The following TRIM71 variants were observed in gnomAD, a reference collection of about 807,000 sequenced individuals.
TRIM71 encodes the protein E3 ubiquitin-protein ligase TRIM71.
In TRIM71, 9 loss-of-function variants were observed where a neutral mutation model predicts 61.2. That is an observed-to-expected ratio of 0.15 (90% CI 0.09 to 0.26). TRIM71 has a LOEUF of 0.26. Ranked by LOEUF, TRIM71 falls within the 10% of genes least tolerant of loss-of-function variation. The pLI is 1.00. For missense variants in TRIM71, 998 were observed against 1,238.7 expected (o/e 0.81, Z 2.92); for synonymous variants, 645 against 553.2 (o/e 1.17, Z -2.33).
In TRIM71 at chr3:32,818,714, T is replaced by A; in HGVS notation, c.634T>A (p.Cys212Ser). The A allele has an allele frequency of 3.8e-6, 6 of 1,591,390 alleles. No homozygotes were observed. The highest frequency in any genetic ancestry group is 3.4e-6 in the Non-Finnish European group (4 of 1,174,868). ...TGAGGGCAACGCAGCTTCTTCGCGC[T>A]GCCTCGACTGCCAGGAGCACCTGTG... ...CDEGNAASSR[C>S]LDCQEHLCDN... is the part of the protein sequence containing the mutation. Residue 212 changes from cysteine (C) to serine (S), a missense_variant, in exon 1 of 4, where the codon TGC (cysteine) becomes AGC (serine). Transcript: ENST00000383763.
chr3:32,871,691 TTAGA>T (rs1357412750), intron 1 of TRIM71, among the ~76,000 whole-genome samples: 1 of 152,208 alleles, frequency 6.6e-6, no homozygotes, highest in Non-Finnish European at 1.5e-5. Flanking sequence ...ATTATTAGGA[TTAGA>T]TAATCTCTGA....
At chr3:32,856,106 C>T (rs1696600512) in intron 1 of TRIM71, among the ~76,000 whole-genome samples, 1 of 152,214 alleles carries the variant, frequency 6.6e-6, no homozygotes, top group African/African-American at 2.4e-5. Flanking sequence ...CAAGCTCCGC[C>T]TCCTGGGTTC....
intron 1 of TRIM71, among the ~76,000 whole-genome samples, chr3:32,845,465 C>G (rs933400211): frequency 6.6e-6 from 1 of 152,236 alleles, no homozygotes; most frequent in African/African-American, 2.4e-5. Context: ...TTGCTGCCAC[C>G]TGGCTTGGCA....
At chr3:32,819,605 C>T (rs1401734785) in intron 1 of TRIM71, among the ~76,000 whole-genome samples, 1 of 152,162 alleles carries the variant, frequency 6.6e-6, no homozygotes, top group Non-Finnish European at 1.5e-5. Flanking sequence ...GCGGCTGCTT[C>T]CTATATTGTT....
chr3:32,820,101 G>T (rs977674315), intron 1 of TRIM71, among the ~76,000 whole-genome samples: 5 of 152,236 alleles, frequency 3.3e-5, no homozygotes, highest in African/African-American at 1.2e-4. Flanking sequence ...CCTGTAGACC[G>T]GTAAGAGAGG....
At chr3:32,844,451 C>T (rs762574806) in intron 1 of TRIM71, among the ~76,000 whole-genome samples, 5 of 152,146 alleles carry the variant, frequency 3.3e-5, no homozygotes, top group Non-Finnish European at 7.3e-5. Context: ...GGCTAGAGTG[C>T]AGTGGCGTGA....
At chr3:32,867,469 G>T (rs1488523093) in intron 1 of TRIM71, among the ~76,000 whole-genome samples, 1 of 151,826 alleles carries the variant, frequency 6.6e-6, no homozygotes, top group Non-Finnish European at 1.5e-5. Context: ...ACATATTTTT[G>T]AGACAGGGTC....
chr3:32,822,083 G>A (rs867630639), intron 1 of TRIM71, among the ~76,000 whole-genome samples: 1 of 152,236 alleles, frequency 6.6e-6, no homozygotes, highest in South Asian at 2.1e-4. Flanking sequence ...AGGCGACACC[G>A]GCAGCAGAAA....
At chr3:32,820,742 T>C (rs373247049) in intron 1 of TRIM71, among the ~76,000 whole-genome samples, 16 of 152,342 alleles carry the variant, frequency 1.1e-4, no homozygotes, top group African/African-American at 3.6e-4. Context: ...CTTTTAAAAT[T>C]AGAAAACCCT....
intron 2 of TRIM71, among the ~76,000 whole-genome samples, chr3:32,875,141 C>A (rs891032920): frequency 6.6e-6 from 1 of 152,134 alleles, no homozygotes; most frequent in African/African-American, 2.4e-5. Flanking sequence ...TAGACAGAGA[C>A]CTTTGTGATA....
chr3:32,822,677 C>A (rs1268935918), intron 1 of TRIM71, among the ~76,000 whole-genome samples: 1 of 152,086 alleles, frequency 6.6e-6, no homozygotes, highest in African/African-American at 2.4e-5. Flanking sequence ...CATGTTCTTG[C>A]ATAAATTATA....
intron 1 of TRIM71, among the ~76,000 whole-genome samples, chr3:32,843,119 T>C (rs1696430839): frequency 6.6e-6 from 1 of 152,144 alleles, no homozygotes; most frequent in African/African-American, 2.4e-5. Context: ...TCCAGGGTGC[T>C]GGGACTAGGT....
Position 32,894,618 on chromosome 3 carries a change from T to C in TRIM71, c.*2807T>C, listed in dbSNP as rs1232466018. The C allele has an allele frequency of 2.0e-5, 3 of 152,356 alleles. No homozygotes were observed. In the East Asian group the frequency reaches 5.8e-4, roughly 29 times the overall value. The allele number at this position is 152,356 out of a possible 1,614,324, so 9.4% of individuals were successfully genotyped here. On this transcript the variant is annotated 3_prime_UTR_variant, in exon 4 of 4. Transcript: ENST00000383763. The stretch of plus-strand genomic sequence containing the variant: ...AGAAACATGGTCACATTTGGAAAGC[T>C]TTTGTTTTTAAAACATTGGCGGTTT...
At chr3:32,827,482 G>A (rs1400870172) in intron 1 of TRIM71, among the ~76,000 whole-genome samples, 2 of 151,740 alleles carry the variant, frequency 1.3e-5, no homozygotes, top group African/African-American at 2.4e-5. Flanking sequence ...GGCTGGTCTC[G>A]AACTCCTGAC....
intron 1 of TRIM71, among the ~76,000 whole-genome samples, chr3:32,839,239 T>G (rs1203963370): frequency 6.6e-6 from 1 of 150,732 alleles, no homozygotes; most frequent in Non-Finnish European, 1.5e-5. Flanking sequence ...GTGACATGAG[T>G]TTTTTTTTGA....
At chr3:32,824,927 T>A (rs922706904) in intron 1 of TRIM71, among the ~76,000 whole-genome samples, 4 of 152,186 alleles carry the variant, frequency 2.6e-5, no homozygotes, top group African/African-American at 9.7e-5. Flanking sequence ...CCCAAGTAGC[T>A]GGGACTACAG....
intron 1 of TRIM71, among the ~76,000 whole-genome samples, chr3:32,858,651 A>G (rs1279061832): frequency 6.6e-6 from 1 of 152,146 alleles, no homozygotes; most frequent in Non-Finnish European, 1.5e-5. Context: ...AGTATTGTGG[A>G]AAGACTAAGG....
At chr3:32,851,105 CT>C (rs1696533864) in intron 1 of TRIM71, among the ~76,000 whole-genome samples, 1 of 152,152 alleles carries the variant, frequency 6.6e-6, no homozygotes, top group Non-Finnish European at 1.5e-5. Context: ...GGAAATGTTA[CT>C]GGTTCAGCTT....
intron 1 of TRIM71, among the ~76,000 whole-genome samples, chr3:32,819,321 C>T (rs1696102215): frequency 6.6e-6 from 1 of 152,106 alleles, no homozygotes; most frequent in Admixed American, 6.6e-5. Flanking sequence ...GCTGAGAAGG[C>T]GCTCCTTTAT....
Sources: gnomAD v4.1 joint callset for allele counts (sites outside exome capture counted in the v4.1 genomes callset) on GRCh38, gnomAD v4.1.1 for gene constraint, MANE v1.5 for transcripts, NCBI Gene and HGNC (gene_info 2026-07-23, HGNC 2026-07-21) for gene names.